The following STPG4 variants were observed in gnomAD, a reference collection of about 807,000 sequenced individuals.
The protein encoded by STPG4 is protein STPG4.
A neutral mutation model predicts 31.5 loss-of-function variants in STPG4; 41 were observed. That is an observed-to-expected ratio of 1.30 (90% CI 1.01 to 1.69). STPG4 has a LOEUF of 1.69. STPG4 is among the 40% of genes most tolerant of loss of function. STPG4 has a pLI of 0.00. For missense variants in STPG4, 375 were observed against 293.4 expected (o/e 1.28, Z -2.03); for synonymous variants, 141 against 103.0 (o/e 1.37, Z -2.24).
intron 5 of STPG4, among the ~76,000 whole-genome samples, chr2:47,098,132 C>T (rs961499298): frequency 7.2e-5 from 11 of 152,280 alleles, no homozygotes; most frequent in African/African-American, 2.2e-4. Flanking sequence ...TCTGAATTCT[C>T]GTTTACAGAC....
At chr2:47,114,494 A>G (rs1686105243) in intron 5 of STPG4, among the ~76,000 whole-genome samples, 1 of 152,150 alleles carries the variant, frequency 6.6e-6, no homozygotes, top group South Asian at 2.1e-4. Flanking sequence ...GTGACACAGC[A>G]AGACTCTATC....
chr2:47,087,135 A>G lies in STPG4; in HGVS notation c.625-5T>C, dbSNP rs1237656156. The G allele has an allele frequency of 6.4e-7, 1 of 1,551,650 alleles. No individual in the cohort carries two copies. Among genetic ancestry groups the G allele is most frequent in the South Asian group, 1.2e-5 (1 of 84,058 alleles). ...TGCTCCTGGGCCTGGGGTTTTCTGAAAACAGAGCAGAAAACAGGGACTGAT... is the reference window on the plus strand; with the variant it reads ...TGCTCCTGGGCCTGGGGTTTTCTGAGAACAGAGCAGAAAACAGGGACTGAT... On this transcript the variant is annotated splice_polypyrimidine_tract_variant and splice_region_variant and intron_variant, in intron 6 of 6. Coordinates refer to ENST00000445927, the MANE Select transcript of STPG4 (RefSeq NM_001163561.2).
chr2:47,145,632 A>C (rs1686806410), intron 3 of STPG4, among the ~76,000 whole-genome samples: 1 of 152,246 alleles, frequency 6.6e-6, no homozygotes, highest in Non-Finnish European at 1.5e-5. Flanking sequence ...TACACATAAG[A>C]AAACAAAATG....
chr2:47,090,370 T>G lies in STPG4; in HGVS notation c.524A>C (p.Glu175Ala), dbSNP rs1265453923. ...ATTATAATGACCTGGACCAGGGCCT[T>G]CATGCTATTGAACATTTAAAAAATT... ...RFPTTYFIPH[E>A]GPGPGHYNVK... The change falls in exon 6 of 7, where the codon GAA becomes GCA. Residue 175 changes from glutamate (E) to alanine (A), a missense_variant. Physicochemically the swap from Glu to Ala is moderately radical, Grantham distance 107. Coordinates refer to ENST00000445927, the MANE Select transcript of STPG4 (RefSeq NM_001163561.2). 6.5e-7 allele frequency: 1 copy of G among 1,547,918 alleles called. No individual in the cohort carries two copies. The highest frequency in any genetic ancestry group is 8.7e-7 in the Non-Finnish European group (1 of 1,143,390).
At chr2:47,089,286 A>T (rs188742605) in intron 6 of STPG4, among the ~76,000 whole-genome samples, 2 of 152,286 alleles carry the variant, frequency 1.3e-5, no homozygotes, top group African/African-American at 2.4e-5. Context: ...GTCTGTCTGC[A>T]ATTTCACTGG....
At chr2:47,139,401 T>G (rs35754025) in intron 3 of STPG4, among the ~76,000 whole-genome samples, 3 of 74,744 alleles carry the variant, frequency 4.0e-5, no homozygotes, top group Non-Finnish European at 9.4e-5. Flanking sequence ...TAGCTTCTCC[T>G]GCTTTATTTT....
intron 5 of STPG4, among the ~76,000 whole-genome samples, chr2:47,107,378 C>G (rs978184999): frequency 6.6e-6 from 1 of 152,184 alleles, no homozygotes. Context: ...CTCGGAGCAG[C>G]TGGCCGGCCC....
intron 2 of STPG4, among the ~76,000 whole-genome samples, chr2:47,151,744 C>CTT (rs879557031): frequency 2.1e-5 from 3 of 144,488 alleles, no homozygotes. Flanking sequence ...TGAAATTTAA[C>CTT]TTTTTTTTTT....
intron 6 of STPG4, among the ~76,000 whole-genome samples, chr2:47,089,269 G>A (rs549743027): frequency 2.0e-5 from 3 of 152,296 alleles, no homozygotes; most frequent in Middle Eastern, 3.4e-3. Context: ...CCAGCCTCCT[G>A]CTGTCAGTCT....
At chr2:47,098,607 G>C (rs193184236) in intron 5 of STPG4, among the ~76,000 whole-genome samples, 2 of 152,206 alleles carry the variant, frequency 1.3e-5, no homozygotes, top group East Asian at 3.9e-4. Flanking sequence ...ATTGAAAAGA[G>C]AAAGGGTCAG....
In STPG4 at chr2:47,087,075, G is replaced by A. The variant is rs975018365; in HGVS notation, c.680C>T (p.Pro227Leu). ...CTCTTGGCCCATTTTGGCTATGGTC[G>A]GAGACTGCTTAGGGAATTGTCTTAA... is the stretch of plus-strand genomic sequence containing the variant. ...TTLRQFPKQSPTIAKMGQEHS... is the reference protein window; with the variant it reads ...TTLRQFPKQSLTIAKMGQEHS... The change falls in exon 7 of 7, where the codon CCG (proline) becomes CTG (leucine). Residue 227 changes from proline to leucine, a missense_variant. Coordinates refer to ENST00000445927, the MANE Select transcript of STPG4 (RefSeq NM_001163561.2). The A allele has an allele frequency of 1.6e-5, 25 of 1,551,658 alleles. No homozygotes were observed. The Admixed American group carries it at 2.2e-4, about 13-fold the overall frequency.
intron 6 of STPG4, 145 bp from the exon 7 acceptor site, chr2:47,087,275 C>A (rs1410308522): frequency 6.8e-6 from 6 of 880,482 alleles, no homozygotes; most frequent in Non-Finnish European, 1.0e-5. Flanking sequence ...TGAAGCCTGG[C>A]AGACCCTCGA....
chr2:47,152,061 C>T (rs1686950485), intron 2 of STPG4, among the ~76,000 whole-genome samples: 1 of 152,126 alleles, frequency 6.6e-6, no homozygotes, highest in Non-Finnish European at 1.5e-5. Context: ...CCAGGCCCGG[C>T]CGAAATTTAA....
intron 3 of STPG4, among the ~76,000 whole-genome samples, chr2:47,147,669 G>A (rs946458000): frequency 2.6e-5 from 4 of 152,118 alleles, no homozygotes; most frequent in African/African-American, 9.7e-5. Context: ...AGTGAAAAGA[G>A]TGACAGTGAG....
Position 47,090,219 on chromosome 2 carries a change from C to T in STPG4, c.624+51G>A, listed in dbSNP as rs149486583. ...CACATAGAAACAGAAAACCTACCAC[C>T]ATAACCATACCCCTAGGGGTGGGGG... On this transcript the variant is annotated intron_variant, in intron 6 of 6. Coordinates refer to ENST00000445927, the MANE Select transcript of STPG4 (RefSeq NM_001163561.2). 4.9e-4 allele frequency: 638 copies of T among 1,305,348 alleles called. 1 individual carries two copies. The African/African-American group carries it at 8.8e-3, about 18-fold the overall frequency. 80.9% of individuals were successfully genotyped at this position (1,305,348 alleles called of 1,614,324 possible).
In STPG4 at chr2:47,115,501, C is replaced by A. The variant is rs190810682; in HGVS notation, c.519+14440G>T. On this transcript the variant is annotated intron_variant, in intron 5 of 6. Transcript: ENST00000445927. ...TTGTTAGTTTGGCTAAATATAGAAT[C>A]CTAAGTTGAAAATAATGTTCCTGTT... Among the ~76,000 whole-genome samples, 421 of 152,224 alleles carry A rather than the reference C, an allele frequency of 2.8e-3. 5 individuals are homozygous for A. Among genetic ancestry groups the A allele is most frequent in the South Asian group, 0.015 (70 of 4,822 alleles).
In STPG4 at chr2:47,122,811, TTGTC is replaced by T. The variant is rs752189258; in HGVS notation, c.519+7126_519+7129del. Among the ~76,000 whole-genome samples the T allele has an allele frequency of 1.4e-3, 214 of 151,910 alleles. 1 individual carries two copies. The highest frequency in any genetic ancestry group is 2.7e-3 in the African/African-American group (112 of 41,470). On this transcript the variant is annotated intron_variant, in intron 5 of 6. Coordinates refer to ENST00000445927, the MANE Select transcript of STPG4 (RefSeq NM_001163561.2). ...TATTTTATTTCTGTTTTTTGTTTGT[TTGTC>T]TGTTTGTTTTGTTTTTGTTTTTGTT...
chr2:47,127,215 T>C (rs1443863810), intron 5 of STPG4, among the ~76,000 whole-genome samples: 5 of 151,418 alleles, frequency 3.3e-5, no homozygotes, highest in African/African-American at 1.2e-4. Flanking sequence ...TTGTCTCCTT[T>C]GACTGTATTT....
Position 47,151,145 on chromosome 2 carries a change from C to A in STPG4, c.399+113G>T, listed in dbSNP as rs1034731596. On this transcript the variant is annotated intron_variant, in intron 3 of 6. Coordinates refer to ENST00000445927, the MANE Select transcript of STPG4 (RefSeq NM_001163561.2). ...TTGATTTCTACGGGAAATAAGACAT[C>A]TTAAAGGTTTTCCATTTCTCCTGGG... 2.1e-5 allele frequency: 28 copies of A among 1,317,496 alleles called. No homozygotes were observed. In the Admixed American group the frequency reaches 6.7e-4, roughly 31 times the overall value. 81.6% of individuals were successfully genotyped at this position (1,317,496 alleles called of 1,614,324 possible).
Sources: gnomAD v4.1 joint callset for allele counts (sites outside exome capture counted in the v4.1 genomes callset) on GRCh38, gnomAD v4.1.1 for gene constraint, MANE v1.5 for transcripts, NCBI Gene and HGNC (gene_info 2026-07-23, HGNC 2026-07-21) for gene names.